The following PPP3CA variants were observed in gnomAD, a reference collection of about 807,000 sequenced individuals.
PPP3CA encodes CAM-PRP catalytic subunit.
In PPP3CA, 14 loss-of-function variants were observed where a neutral mutation model predicts 66.5. The observed-to-expected ratio is 0.21, with a 90% CI of 0.14 to 0.33. The LOEUF (loss-of-function observed/expected upper bound fraction) is 0.33, where lower values mean the gene tolerates loss of function less well. Among genes scored for constraint, PPP3CA ranks in the 10% least tolerant of loss-of-function variants. PPP3CA has a pLI of 1.00. For synonymous variants in PPP3CA, 232 were observed against 226.2 expected (o/e 1.03, Z -0.23); for missense variants, 317 against 639.5 (o/e 0.50, Z 5.44).
chr4:101,238,993 CAATTA>C (rs1253246070), intron 1 of PPP3CA, among the ~76,000 whole-genome samples: 1 of 151,998 alleles, frequency 6.6e-6, no homozygotes, highest in Admixed American at 6.6e-5. Flanking sequence ...CTATTGCTGA[CAATTA>C]AATTAATTTC....
At chr4:101,320,470 ATGTATG>A (rs569648424) in intron 1 of PPP3CA, among the ~76,000 whole-genome samples, 177 of 130,896 alleles carry the variant, frequency 1.4e-3, no homozygotes, top group African/African-American at 5.7e-3. Flanking sequence ...GTATGTATGT[ATGTATG>A]TGTGTGTGTG....
chr4:101,120,355 GAGA>G (rs1049357091), intron 2 of PPP3CA, among the ~76,000 whole-genome samples: 87 of 152,134 alleles, frequency 5.7e-4, no homozygotes, highest in African/African-American at 2.1e-3. Flanking sequence ...GGGCATACTT[GAGA>G]AGATGTAGAT....
intron 2 of PPP3CA, among the ~76,000 whole-genome samples, chr4:101,132,879 C>G (rs534874176): frequency 1.9e-3 from 291 of 152,270 alleles, no homozygotes; most frequent in Non-Finnish European, 3.3e-3. Flanking sequence ...AATACAGCAG[C>G]ACATCAAAAA....
Position 101,346,903 on chromosome 4 carries a change from G to GCCGC in PPP3CA, c.-108_-107insGCGG. On this transcript the variant is annotated 5_prime_UTR_variant, in exon 1 of 14. Transcript: ENST00000394854. ...CGCCGCCGCCGCCGCCGCCGCCGCC[G>GCCGC]CGCTGCAAACCGCTCGGCTGGAGGT... The GCCGC allele has an allele frequency of 1.0e-5, 14 of 1,366,764 alleles. No homozygotes were observed. Among genetic ancestry groups the GCCGC allele is most frequent in the African/African-American group, 4.4e-5 (3 of 68,100 alleles). 84.7% of individuals were successfully genotyped at this position (1,366,764 alleles called of 1,614,324 possible).
intron 2 of PPP3CA, among the ~76,000 whole-genome samples, chr4:101,132,006 G>A (rs1053956729): frequency 3.9e-5 from 6 of 152,162 alleles, no homozygotes; most frequent in Admixed American, 3.9e-4. Context: ...AATGACCACT[G>A]GGTAAATAAC....
intron 1 of PPP3CA, among the ~76,000 whole-genome samples, chr4:101,275,551 G>A (rs558487070): frequency 9.9e-5 from 15 of 152,210 alleles, no homozygotes; most frequent in African/African-American, 3.4e-4. Context: ...TCAAATACAC[G>A]AGGCTTATCT....
intron 8 of PPP3CA, among the ~76,000 whole-genome samples, chr4:101,065,407 T>G (rs1270548558): frequency 2.0e-5 from 3 of 152,036 alleles, no homozygotes; most frequent in Non-Finnish European, 4.4e-5. Flanking sequence ...GTTCCCCCAC[T>G]TTTTATTAAC....
chr4:101,321,157 CTG>C (rs1000282021), intron 1 of PPP3CA, among the ~76,000 whole-genome samples: 1 of 152,182 alleles, frequency 6.6e-6, no homozygotes, highest in African/African-American at 2.4e-5. Flanking sequence ...AGATCGAAAA[CTG>C]TGATTCCATT....
At chr4:101,200,153 C>T (rs771857524) in intron 1 of PPP3CA, among the ~76,000 whole-genome samples, 1 of 152,118 alleles carries the variant, frequency 6.6e-6, no homozygotes, top group Non-Finnish European at 1.5e-5. Flanking sequence ...ATCTGAGTCA[C>T]TTAAGCCACT....
chr4:101,220,178 C>G (rs1725579294), intron 1 of PPP3CA, among the ~76,000 whole-genome samples: 1 of 151,608 alleles, frequency 6.6e-6, no homozygotes, highest in South Asian at 2.1e-4. Flanking sequence ...GATTTAGTGG[C>G]CTACTTTTTA....
At chr4:101,159,960 A>G (rs1328659640) in intron 2 of PPP3CA, among the ~76,000 whole-genome samples, 1 of 152,174 alleles carries the variant, frequency 6.6e-6, no homozygotes, top group Admixed American at 6.5e-5. Context: ...TGAACTATCT[A>G]TAAAATATTC....
rs149020721 is a variant in PPP3CA, at chr4:101,326,574, T to C, written c.58+20165A>G. ...TGCCATCTTCTTGCCATTTCAGCTT[T>C]TTCTACTGCCTCTTAACATTCTAGA... On this transcript the variant is annotated intron_variant, in intron 1 of 13. Transcript: ENST00000394854. 8.1e-4 allele frequency among the ~76,000 whole-genome samples: 124 copies of C among 152,344 alleles called. No homozygotes were observed. The East Asian group carries it at 0.013, about 16-fold the overall frequency.
intron 2 of PPP3CA, among the ~76,000 whole-genome samples, chr4:101,182,520 C>G (rs17030900): frequency 0.07 from 10,703 of 152,058 alleles, 565 homozygotes; most frequent in South Asian, 0.19. Context: ...TCAGATAGAT[C>G]AAATTACTCG....
chr4:101,337,636 A>G (rs1000925616), intron 1 of PPP3CA, among the ~76,000 whole-genome samples: 1 of 152,228 alleles, frequency 6.6e-6, no homozygotes, highest in African/African-American at 2.4e-5. Flanking sequence ...TTTCTGTGTT[A>G]GTGAGACAAA....
At chr4:101,316,632 G>A (rs1728893324) in intron 1 of PPP3CA, among the ~76,000 whole-genome samples, 1 of 152,136 alleles carries the variant, frequency 6.6e-6, no homozygotes, top group African/African-American at 2.4e-5. Context: ...CAAAAGTTAT[G>A]AACAAATAGC....
At chr4:101,344,016 T>C (rs1332638101) in intron 1 of PPP3CA, among the ~76,000 whole-genome samples, 4 of 152,156 alleles carry the variant, frequency 2.6e-5, no homozygotes, top group African/African-American at 7.2e-5. Flanking sequence ...TATGTATATA[T>C]AGTAAATAAT....
chr4:101,324,203 A>T (rs575155993), intron 1 of PPP3CA, among the ~76,000 whole-genome samples: 1 of 141,730 alleles, frequency 7.1e-6, no homozygotes, highest in Admixed American at 7.0e-5. Context: ...GAAGGAAGGA[A>T]GGAAGGAAGG....
chr4:101,147,995 G>A (rs1337774749), intron 2 of PPP3CA, among the ~76,000 whole-genome samples: 2 of 152,006 alleles, frequency 1.3e-5, no homozygotes, highest in South Asian at 2.1e-4. Context: ...TAATTTCACT[G>A]GTCTAGGACA....
intron 2 of PPP3CA, among the ~76,000 whole-genome samples, chr4:101,128,525 C>G (rs577939938): frequency 3.7e-4 from 56 of 152,008 alleles, no homozygotes; most frequent in Non-Finnish European, 6.8e-4. Context: ...CTGGTGATTT[C>G]TGCATTTCCA....
Sources: allele counts gnomAD v4.1 joint callset (sites outside exome capture counted in the v4.1 genomes callset), GRCh38; gene constraint gnomAD v4.1.1; transcripts MANE v1.5; gene names NCBI Gene and HGNC (gene_info 2026-07-23, HGNC 2026-07-21).